Variants in HSPA2 observed in about 807,000 individuals in gnomAD.
HSPA2 encodes the protein heat shock protein family A (Hsp70) member 2, also known as heat shock-related 70 kDa protein 2.
A neutral mutation model predicts 35.0 loss-of-function variants in HSPA2; 13 were observed. That is an observed-to-expected ratio of 0.37 (90% CI 0.24 to 0.59). The LOEUF (loss-of-function observed/expected upper bound fraction) is 0.59. Among genes scored for constraint, HSPA2 ranks in the 20% least tolerant of loss-of-function variants. The pLI is 0.70. For missense variants in HSPA2, 565 were observed against 885.4 expected (o/e 0.64, Z 4.59); for synonymous variants, 368 against 382.1 (o/e 0.96, Z 0.43).
At position 64,542,710 on chromosome 14, in the gene HSPA2, G is replaced by GGCA. The variant is rs1566643510; in HGVS notation, c.1864_1866dup (p.Ser622dup). ...ACTTTACCAAGGTGGTCCTGGCGGC[G>GGCA]GCAGCGGCGGCGGCGGTTCAGGAGC... On this transcript the variant is annotated inframe_insertion, in exon 1 of 1. Transcript: ENST00000247207. This position sits in a 1 kb window ranked among gnomAD's most constrained non-coding sequence, Gnocchi z 5.7. 4 of 1,613,880 alleles carry GGCA rather than the reference G, an allele frequency of 2.5e-6. No individual in the cohort carries two copies. In the South Asian group the frequency reaches 4.4e-5, roughly 18 times the overall value.
In HSPA2 at chr14:64,541,317, C is replaced by A. The variant is rs1469472670; in HGVS notation, c.468C>A (p.Arg156=). Residue 156 remains arginine, a synonymous_variant, in exon 1 of 1, where the codon CGC becomes CGA. Transcript: ENST00000247207. ...CGGCCTATTTCAACGACTCGCAGCG[C>A]CAGGCCACCAAGGACGCAGGCACCA... The part of the protein sequence containing the change: ...TVPAYFNDSQ[R]QATKDAGTIT... 1.2e-6 allele frequency: 2 copies of A among 1,613,408 alleles called. No individual in the cohort carries two copies. Among genetic ancestry groups the A allele is most frequent in the South Asian group, 2.2e-5 (2 of 91,084 alleles).
Position 64,541,195 on chromosome 14 carries a change from T to C in HSPA2, c.346T>C (p.Phe116Leu). The C allele has an allele frequency of 6.2e-7, 1 of 1,614,058 alleles. No homozygotes were observed. Among genetic ancestry groups the C allele is most frequent in the Non-Finnish European group, 8.5e-7 (1 of 1,179,996 alleles). Residue 116 changes from phenylalanine (F) to leucine (L), a missense_variant, in exon 1 of 1, where the codon TTC (phenylalanine) becomes CTC (leucine). By Grantham distance (22) the Phe-to-Leu change is conservative (BLOSUM62 0). Transcript: ENST00000247207. ...VEYKGETKTF[F>L]PEEISSMVLT... Reference sequence around the variant, plus strand: ...GTACAAGGGGGAGACCAAGACCTTCTTCCCAGAGGAGATATCCTCCATGGT... The same window carrying C: ...GTACAAGGGGGAGACCAAGACCTTCCTCCCAGAGGAGATATCCTCCATGGT...
In HSPA2 at chr14:64,542,930, A is replaced by G; in HGVS notation, c.*161A>G. On this transcript the variant is annotated 3_prime_UTR_variant, in exon 1 of 1. Transcript: ENST00000247207. This position sits in a 1 kb window ranked among gnomAD's most constrained non-coding sequence, Gnocchi z 5.7. ...GGTGCAACAACTTAGTTTAATTATA[A>G]AAGTTCCAAAGTTTGTTTTTTAAAA... The G allele has an allele frequency of 8.3e-7, 1 of 1,211,404 alleles. No individual in the cohort carries two copies. The allele number at this position is 1,211,404 out of a possible 1,614,324, so 75.0% of individuals were successfully genotyped here. A position where few individuals can be genotyped will look rare whatever the true frequency, so the allele number is the denominator to read the frequency against.
rs1048325167 is a variant in HSPA2, at chr14:64,541,830, C to A, written c.981C>A (p.Ala327=). 5 of 1,613,522 alleles carry A rather than the reference C, an allele frequency of 3.1e-6. No individual in the cohort carries two copies. The Admixed American group carries it at 8.3e-5, about 27-fold the overall frequency. Residue 327 remains alanine (A), a synonymous_variant, in exon 1 of 1, where the codon GCC becomes GCA. Coordinates refer to ENST00000247207, the MANE Select transcript of HSPA2 (RefSeq NM_021979.4). The stretch of plus-strand genomic sequence containing the variant: ...CGGTGGAGAAGGCGCTGCGCGACGC[C>A]AAGCTGGACAAGGGCCAGATCCAGG... The part of the protein sequence containing the change: ...LEPVEKALRD[A]KLDKGQIQEI...
At chr14:64,538,741 C>T (rs1160397599), upstream of HSPA2, among the ~76,000 whole-genome samples, 7 of 152,226 alleles carry the variant, frequency 4.6e-5, no homozygotes, top group African/African-American at 1.2e-4. Context: ...TTTACTGCCA[C>T]GTAGTAGGTA....
Position 64,541,169 on chromosome 14 carries a change from A to C in HSPA2, c.320A>C (p.Glu107Ala), listed in dbSNP as rs772263852. Reference protein sequence around the residue: ...SEGGKPKVQVEYKGETKTFFP... With the variant: ...SEGGKPKVQVAYKGETKTFFP... ...GGAGGCAAGCCCAAAGTGCAAGTAG[A>C]GTACAAGGGGGAGACCAAGACCTTC... is the stretch of plus-strand genomic sequence containing the variant. Residue 107 changes from glutamate to alanine, a missense_variant, in exon 1 of 1, where the codon GAG (glutamate) becomes GCG (alanine). Glu to Ala is a moderately radical substitution (Grantham distance 107). This residue lies in a region of HSPA2 where 183 missense variants were observed against 281.6 expected (regional missense o/e 0.65). Transcript: ENST00000247207. The C allele has an allele frequency of 6.2e-7, 1 of 1,614,200 alleles. No homozygotes were observed. The highest frequency in any genetic ancestry group is 1.1e-5 in the South Asian group (1 of 91,088).
rs532179417 is a variant in HSPA2 at position 64,542,668 on chromosome 14, A to T, written c.1819A>T (p.Asn607Tyr). The T allele has an allele frequency of 6.2e-7, 1 of 1,614,118 alleles. No individual in the cohort carries two copies. The highest frequency in any genetic ancestry group is 1.7e-5 in the Admixed American group (1 of 60,026). ...GCAGAAAGAGCTCGAAAGAGTTTGC[A>T]ACCCCATCATCAGCAAACTTTACCA... ...HKQKELERVC[N>Y]PIISKLYQGG... The change falls in exon 1 of 1, where the codon AAC becomes TAC. Residue 607 changes from asparagine to tyrosine, a missense_variant. By Grantham distance (143) the Asn-to-Tyr change is moderately radical. Transcript: ENST00000247207. The surrounding 1 kb of genome is among the most constrained non-coding windows in gnomAD (Gnocchi z 5.7).
In HSPA2 at chr14:64,542,199, G is replaced by A; in HGVS notation, c.1350G>A (p.Arg450=). The change falls in exon 1 of 1, where the codon CGG becomes CGA. Residue 450 remains arginine (R), a synonymous_variant. Transcript: ENST00000247207. This position sits in a 1 kb window ranked among gnomAD's most constrained non-coding sequence, Gnocchi z 5.7. ...TGGTGCAGGTATACGAGGGCGAACG[G>A]GCCATGACCAAGGACAATAACCTGC... ...SVLVQVYEGE[R]AMTKDNNLLG... 6.2e-7 allele frequency: 1 copy of A among 1,613,722 alleles called. No homozygotes were observed. The highest frequency in any genetic ancestry group is 8.5e-7 in the Non-Finnish European group (1 of 1,179,906).
chr14:64,538,233 C>T (rs533091178), upstream of HSPA2, among the ~76,000 whole-genome samples: 6 of 152,272 alleles, frequency 3.9e-5, no homozygotes, highest in East Asian at 1.2e-3. Context: ...CTCAACATTA[C>T]TTTTTGGTCA....
upstream of HSPA2, among the ~76,000 whole-genome samples, chr14:64,538,129 A>G (rs2079993526): frequency 6.6e-6 from 1 of 152,302 alleles, no homozygotes; most frequent in African/African-American, 2.4e-5. Context: ...GATGACATTA[A>G]CCGATTAATA....
chr14:64,542,901 G>A lies in HSPA2; in HGVS notation c.*132G>A. 1 of 1,338,864 alleles carries A rather than the reference G, an allele frequency of 7.5e-7. No homozygotes were observed. Among genetic ancestry groups the A allele is most frequent in the Non-Finnish European group, 1.0e-6 (1 of 1,000,050 alleles). 82.9% of individuals were successfully genotyped at this position (1,338,864 alleles called of 1,614,324 possible). On this transcript the variant is annotated 3_prime_UTR_variant, in exon 1 of 1. Transcript: ENST00000247207. The surrounding 1 kb of genome is among the most constrained non-coding windows in gnomAD (Gnocchi z 5.7). ...AGTCTTTGGTATATGCAAATGAAAG[G>A]AGAGGTGCAACAACTTAGTTTAATT...
In HSPA2 at chr14:64,541,790, G is replaced by A; in HGVS notation, c.941G>A (p.Arg314His). ...RFEELNADLF[R>H]GTLEPVEKAL... is the part of the protein sequence containing the mutation. ...GAGGAGCTCAATGCCGACCTCTTTC[G>A]CGGGACCCTGGAGCCGGTGGAGAAG... Residue 314 changes from arginine (R) to histidine (H), a missense_variant, in exon 1 of 1, where the codon CGC becomes CAC. Coordinates refer to ENST00000247207, the MANE Select transcript of HSPA2 (RefSeq NM_021979.4). 1 of 1,613,418 alleles carries A rather than the reference G, an allele frequency of 6.2e-7. No homozygotes were observed. Among genetic ancestry groups the A allele is most frequent in the Non-Finnish European group, 8.5e-7 (1 of 1,180,030 alleles).
chr14:64,539,572 A>T (rs2080007109), upstream of HSPA2, among the ~76,000 whole-genome samples: 2 of 145,262 alleles, frequency 1.4e-5, no homozygotes, highest in Non-Finnish European at 2.9e-5. Context: ...TCGGAGGACA[A>T]GTCGCCGCCA....
Position 64,541,692 on chromosome 14 carries a change from G to A in HSPA2, c.843G>A (p.Thr281=), listed in dbSNP as rs771728068. 2 of 1,611,842 alleles carry A rather than the reference G, an allele frequency of 1.2e-6. No homozygotes were observed. Among genetic ancestry groups the A allele is most frequent in the Admixed American group, 1.7e-5 (1 of 59,888 alleles). Residue 281 remains threonine, a synonymous_variant, in exon 1 of 1, where the codon ACG becomes ACA. Transcript: ENST00000247207. The part of the protein sequence containing the change: ...ERAKRTLSSS[T]QASIEIDSLY... ...CCAAGCGCACCCTGAGCTCGTCCACGCAGGCGAGCATCGAGATCGACTCGC... is the reference window on the plus strand; with the variant it reads ...CCAAGCGCACCCTGAGCTCGTCCACACAGGCGAGCATCGAGATCGACTCGC...
At chr14:64,537,362 T>C (rs1006821821), upstream of HSPA2, among the ~76,000 whole-genome samples, 2 of 152,052 alleles carry the variant, frequency 1.3e-5, no homozygotes, top group Non-Finnish European at 2.9e-5. Flanking sequence ...GAGGCCAAGA[T>C]GGGCAGACAA....
In HSPA2 at chr14:64,542,386, C is replaced by T. The variant is rs759421405; in HGVS notation, c.1537C>T (p.Leu513=). 4.3e-5 allele frequency: 69 copies of T among 1,613,710 alleles called. No homozygotes were observed. In the Middle Eastern group the frequency reaches 4.9e-4, roughly 12 times the overall value. The change falls in exon 1 of 1, where the codon CTG becomes TTG. Residue 513 remains leucine, a synonymous_variant. Coordinates refer to ENST00000247207, the MANE Select transcript of HSPA2 (RefSeq NM_021979.4). This position sits in a 1 kb window ranked among gnomAD's most constrained non-coding sequence, Gnocchi z 5.7. The stretch of plus-strand genomic sequence containing the variant: ...CACCATCACCAATGACAAAGGTCGT[C>T]TGAGCAAGGACGACATTGACCGGAT... ...KITITNDKGR[L]SKDDIDRMVQ...
At position 64,541,537 on chromosome 14, in the gene HSPA2, C is replaced by CT; in HGVS notation, c.688_689insT (p.His230LeufsTer5). The CT allele has an allele frequency of 6.2e-7, 1 of 1,608,736 alleles. No homozygotes were observed. On this transcript the variant is annotated frameshift_variant, in exon 1 of 1. Transcript: ENST00000247207. LOFTEE classifies it high-confidence loss of function. Reference sequence around the variant, plus strand: ...GGTGAAGTCCACGGCCGGCGACACCCACCTGGGCGGTGAGGACTTCGACAA... The same window carrying CT: ...GGTGAAGTCCACGGCCGGCGACACCCTACCTGGGCGGTGAGGACTTCGACAA...
Position 64,541,386 on chromosome 14 carries a change from G to A in HSPA2, c.537G>A (p.Ala179=), listed in dbSNP as rs1158063213. 3 of 1,612,460 alleles carry A rather than the reference G, an allele frequency of 1.9e-6. No individual in the cohort carries two copies. The highest frequency in any genetic ancestry group is 8.5e-7 in the Non-Finnish European group (1 of 1,179,714). The change falls in exon 1 of 1, where the codon GCG becomes GCA. Residue 179 remains alanine, a synonymous_variant. Transcript: ENST00000247207. The part of the protein sequence containing the change: ...NVLRIINEPT[A]AAIAYGLDKK... ...TGCGCATCATCAACGAGCCCACGGCGGCGGCCATCGCCTACGGCCTGGACA... is the reference window on the plus strand; with the variant it reads ...TGCGCATCATCAACGAGCCCACGGCAGCGGCCATCGCCTACGGCCTGGACA...
In HSPA2 at chr14:64,541,164, A is replaced by G. The variant is rs1197981958; in HGVS notation, c.315A>G (p.Gln105=). Residue 105 remains glutamine (Q), a synonymous_variant, in exon 1 of 1, where the codon CAA becomes CAG. Coordinates refer to ENST00000247207, the MANE Select transcript of HSPA2 (RefSeq NM_021979.4). ...GCGAGGGAGGCAAGCCCAAAGTGCA[A>G]GTAGAGTACAAGGGGGAGACCAAGA... ...VVSEGGKPKV[Q]VEYKGETKTF... The G allele has an allele frequency of 6.2e-7, 1 of 1,614,194 alleles. No homozygotes were observed. Among genetic ancestry groups the G allele is most frequent in the Admixed American group, 1.7e-5 (1 of 60,030 alleles).
Sources: allele counts gnomAD v4.1 joint callset (sites outside exome capture counted in the v4.1 genomes callset), GRCh38; gene constraint gnomAD v4.1.1; regional missense constraint gnomAD v4.1.1; non-coding constraint Gnocchi (gnomAD v3.1); transcripts MANE v1.5; gene names NCBI Gene and HGNC (gene_info 2026-07-23, HGNC 2026-07-21).